Variants in ZNF385B observed in about 807,000 individuals in gnomAD.
ZNF385B encodes the protein zinc finger protein 385B.
ZNF385B carries 23 observed loss-of-function variants against 39.2 expected under a neutral mutation model. The observed-to-expected ratio is 0.59, with a 90% CI of 0.42 to 0.83. The LOEUF (loss-of-function observed/expected upper bound fraction) is 0.83. ZNF385B is among the 40% of genes least tolerant of loss of function. The pLI is 0.00. For missense variants in ZNF385B, 552 were observed against 598.9 expected (o/e 0.92, Z 0.82); for synonymous variants, 205 against 222.6 (o/e 0.92, Z 0.70).
chr2:179,767,656 T>C (rs1703782731), intron 3 of ZNF385B, among the ~76,000 whole-genome samples: 1 of 152,134 alleles, frequency 6.6e-6, no homozygotes, highest in Admixed American at 6.6e-5. Flanking sequence ...CCTCATTCAG[T>C]GGAGGCTCTA....
intron 3 of ZNF385B, among the ~76,000 whole-genome samples, chr2:179,672,590 A>G (rs1176457677): frequency 6.6e-6 from 1 of 152,118 alleles, no homozygotes; most frequent in African/African-American, 2.4e-5. Flanking sequence ...AGGCGATGGT[A>G]TTAGGAGGTG....
chr2:179,511,465 G>A (rs373123391), intron 5 of ZNF385B, among the ~76,000 whole-genome samples: 1 of 152,148 alleles, frequency 6.6e-6, no homozygotes, highest in South Asian at 2.1e-4. Flanking sequence ...ACCGAGGAGG[G>A]CATAACCTAA....
At position 179,444,909 on chromosome 2, in the gene ZNF385B, G is replaced by T. The variant is rs746114859; in HGVS notation, c.1209C>A (p.Tyr403Ter). 4 of 1,614,158 alleles carry T rather than the reference G, an allele frequency of 2.5e-6. No homozygotes were observed. The highest frequency in any genetic ancestry group is 2.5e-6 in the Non-Finnish European group (3 of 1,179,996). ...GKPLKPKYSP[Y>*]NKLQRSPSIL... ...TACTCGGGCTCCGCTGGAGTTTGTT[G>T]TAAGGGCTGTATTTTGGCTTCAGTG... The change falls in exon 9 of 10, where the codon TAC (tyrosine) becomes TAA (stop). Residue 403 changes from tyrosine (Y) to a stop codon, truncating the protein, a stop_gained. Transcript: ENST00000410066. LOFTEE classifies it high-confidence loss of function.
chr2:179,858,590 A>G (rs1234998055), intron 1 of ZNF385B, among the ~76,000 whole-genome samples: 2 of 152,200 alleles, frequency 1.3e-5, no homozygotes, highest in African/African-American at 2.4e-5. Context: ...AAAGAAGAAG[A>G]AAAGGTAAAA....
intron 1 of ZNF385B, chr2:179,814,324 T>A (rs1354447221): frequency 7.1e-6 from 2 of 281,474 alleles, no homozygotes; most frequent in Non-Finnish European, 1.4e-5. Context: ...GAGGACTGCA[T>A]GGCTGTCATT....
chr2:179,521,358 T>TTTTTTTTTTTTTG (rs2058487266), intron 4 of ZNF385B, among the ~76,000 whole-genome samples: 2 of 145,830 alleles, frequency 1.4e-5, no homozygotes, highest in Non-Finnish European at 3.0e-5. Flanking sequence ...GGCCAGTTTT[T>TTTTTTTTTTTTTG]TTTTTTTTTT....
chr2:179,525,333 C>T (rs1288286190), intron 4 of ZNF385B, among the ~76,000 whole-genome samples: 2 of 152,122 alleles, frequency 1.3e-5, no homozygotes, highest in African/African-American at 4.8e-5. Context: ...TGACCTATTT[C>T]TCATATTCTT....
chr2:179,653,781 A>C (rs1221023369), intron 3 of ZNF385B, among the ~76,000 whole-genome samples: 10 of 152,236 alleles, frequency 6.6e-5, no homozygotes, highest in Admixed American at 6.5e-4. Flanking sequence ...AACGAGCAGC[A>C]GTGACAAGTG....
chr2:179,472,116 G>A (rs1171958406), intron 6 of ZNF385B, among the ~76,000 whole-genome samples: 1 of 152,120 alleles, frequency 6.6e-6, no homozygotes, highest in African/African-American at 2.4e-5. Context: ...CATCATTATG[G>A]TTCTTGATTT....
chr2:179,597,954 T>C (rs1376571706), intron 3 of ZNF385B, among the ~76,000 whole-genome samples: 1 of 152,098 alleles, frequency 6.6e-6, no homozygotes, highest in Non-Finnish European at 1.5e-5. Flanking sequence ...GATTTGAAAA[T>C]GTCAGTCCAA....
chr2:179,445,005 C>G, intron 8 of ZNF385B, 28 bp from the exon 9 acceptor site: 1 of 1,581,446 alleles, frequency 6.3e-7, no homozygotes, highest in African/African-American at 1.3e-5. Context: ...ATTAGCTGGA[C>G]TGAAATGTGA....
intron 3 of ZNF385B, among the ~76,000 whole-genome samples, chr2:179,564,492 TCA>T (rs764560895): frequency 5.9e-5 from 9 of 152,184 alleles, no homozygotes; most frequent in Non-Finnish European, 1.2e-4. Context: ...CTTTCTTTAG[TCA>T]GTCCATTCTT....
chr2:179,660,504 T>C (rs1694338614), intron 3 of ZNF385B, among the ~76,000 whole-genome samples: 1 of 152,194 alleles, frequency 6.6e-6, no homozygotes, highest in African/African-American at 2.4e-5. Context: ...TCCACTAATA[T>C]TTGCTTATCT....
chr2:179,559,276 G>C (rs1055415925), intron 3 of ZNF385B, among the ~76,000 whole-genome samples: 3 of 152,084 alleles, frequency 2.0e-5, no homozygotes, highest in Non-Finnish European at 4.4e-5. Context: ...CCCTTTTCCT[G>C]AGAAACATGG....
intron 3 of ZNF385B, among the ~76,000 whole-genome samples, chr2:179,675,482 A>G (rs970775162): frequency 1.3e-5 from 2 of 152,208 alleles, no homozygotes. Context: ...AATTGACTCT[A>G]ATCCAATTGA....
chr2:179,516,701 GT>G (rs1265380752), intron 5 of ZNF385B, among the ~76,000 whole-genome samples: 1 of 151,944 alleles, frequency 6.6e-6, no homozygotes, highest in East Asian at 1.9e-4. Context: ...TCTATAGCTT[GT>G]TTTTTCATTT....
chr2:179,606,828 C>A (rs1227072494), intron 3 of ZNF385B, among the ~76,000 whole-genome samples: 2 of 152,118 alleles, frequency 1.3e-5, no homozygotes, highest in Non-Finnish European at 2.9e-5. Flanking sequence ...GTATTGGTTA[C>A]ATTTTTGTAA....
intron 5 of ZNF385B, among the ~76,000 whole-genome samples, chr2:179,506,199 G>A (rs1023619905): frequency 9.2e-5 from 14 of 152,182 alleles, no homozygotes; most frequent in African/African-American, 3.1e-4. Flanking sequence ...GCATTTAATA[G>A]TTGATTTGAA....
intron 3 of ZNF385B, among the ~76,000 whole-genome samples, chr2:179,691,571 A>G (rs985720662): frequency 6.6e-6 from 1 of 152,230 alleles, no homozygotes; most frequent in Non-Finnish European, 1.5e-5. Context: ...TCCTAAATAC[A>G]AGGTGAATAG....
Sources: allele counts gnomAD v4.1 joint callset (sites outside exome capture counted in the v4.1 genomes callset), GRCh38; gene constraint gnomAD v4.1.1; transcripts MANE v1.5; gene names NCBI Gene and HGNC (gene_info 2026-07-23, HGNC 2026-07-21).